Variants in FRAS1 observed in about 807,000 individuals in gnomAD.
FRAS1 encodes extracellular matrix organizing protein FRAS1.
In FRAS1, 290 loss-of-function variants were observed where a neutral mutation model predicts 435.2. The observed-to-expected ratio is 0.67, with a 90% CI of 0.61 to 0.73. FRAS1 has a LOEUF of 0.73. FRAS1 is among the 30% of genes least tolerant of loss of function. The pLI, the probability that FRAS1 is intolerant of heterozygous loss-of-function variation, is 0.00. For missense variants in FRAS1, 4,860 were observed against 5,001.5 expected, an observed-to-expected ratio of 0.97 and a Z score of 0.85; for synonymous variants, 1,800 against 1,851.0, an observed-to-expected ratio of 0.97 and a Z score of 0.71.
intron 9 of FRAS1, among the ~76,000 whole-genome samples, chr4:78,277,075 G>A (rs1727080923): frequency 6.6e-6 from 1 of 152,220 alleles, no homozygotes; most frequent in Admixed American, 6.5e-5. Flanking sequence ...TGCTGTGCTA[G>A]CAATGAGTGA....
At chr4:78,100,603 C>A (rs1300845865) in intron 2 of FRAS1, among the ~76,000 whole-genome samples, 1 of 152,238 alleles carries the variant, frequency 6.6e-6, no homozygotes, top group Non-Finnish European at 1.5e-5. Flanking sequence ...ACAGGCCTTA[C>A]TCTCAGAAGG....
chr4:78,457,183 T>C (rs930563457), intron 47 of FRAS1, among the ~76,000 whole-genome samples: 2 of 152,332 alleles, frequency 1.3e-5, no homozygotes, highest in East Asian at 3.9e-4. Context: ...CCTTTGCTGA[T>C]GGGCAACCTG....
intron 2 of FRAS1, among the ~76,000 whole-genome samples, chr4:78,159,072 A>G (rs1721015400): frequency 6.6e-6 from 1 of 152,220 alleles, no homozygotes; most frequent in African/African-American, 2.4e-5. Flanking sequence ...CATGTGTCAC[A>G]TATATTTGAT....
chr4:78,215,340 T>A (rs1474772807), intron 2 of FRAS1, among the ~76,000 whole-genome samples: 3 of 152,104 alleles, frequency 2.0e-5, no homozygotes, highest in African/African-American at 7.2e-5. Context: ...GGACTACAGG[T>A]GCATGCCACC....
chr4:78,318,850 C>T lies in FRAS1; in HGVS notation c.2001C>T (p.Pro667=). 2 of 1,613,276 alleles carry T rather than the reference C, an allele frequency of 1.2e-6. No homozygotes were observed. Among genetic ancestry groups the T allele is most frequent in the Non-Finnish European group, 1.7e-6 (2 of 1,179,548 alleles). ...SSCLACMGPA[P]SHCTGCKKPE... is the part of the protein sequence containing the mutation. ...GCCTGGCTTGTATGGGTCCCGCACC[C>T]TCTCACTGTACTGGGTGTAAGAAGC... Residue 667 remains proline, a synonymous_variant, in exon 18 of 74, where the codon CCC becomes CCT. Coordinates refer to ENST00000512123, the MANE Select transcript of FRAS1 (RefSeq NM_025074.7).
chr4:78,436,735 T>C (rs1734444262), intron 38 of FRAS1, among the ~76,000 whole-genome samples: 1 of 152,050 alleles, frequency 6.6e-6, no homozygotes, highest in African/African-American at 2.4e-5. Context: ...TATTTCTTTT[T>C]TTCATATTTC....
intron 2 of FRAS1, among the ~76,000 whole-genome samples, chr4:78,102,839 G>A (rs1742199004): frequency 6.6e-6 from 1 of 152,140 alleles, no homozygotes; most frequent in Non-Finnish European, 1.5e-5. Flanking sequence ...GTTGAACATT[G>A]AGCAACTCTC....
intron 2 of FRAS1, among the ~76,000 whole-genome samples, chr4:78,140,735 G>A (rs1252172128): frequency 4.1e-5 from 6 of 146,616 alleles, no homozygotes; most frequent in African/African-American, 1.6e-4. Flanking sequence ...ATATACGTGT[G>A]TGTATATGTA....
chr4:78,483,402 C>T (rs1227328682), intron 58 of FRAS1, among the ~76,000 whole-genome samples: 1 of 152,026 alleles, frequency 6.6e-6, no homozygotes, highest in Middle Eastern at 3.2e-3. Context: ...GTCAGAACTT[C>T]AGAATCCACT....
chr4:78,524,850 G>A (rs1256572015), intron 69 of FRAS1, among the ~76,000 whole-genome samples: 1 of 152,140 alleles, frequency 6.6e-6, no homozygotes, highest in South Asian at 2.1e-4. Context: ...GAATGGTATG[G>A]AGCAGGGTAA....
chr4:78,201,592 T>A (rs1368334280), intron 2 of FRAS1, among the ~76,000 whole-genome samples: 1 of 152,186 alleles, frequency 6.6e-6, no homozygotes, highest in African/African-American at 2.4e-5. Context: ...TCACCCCATA[T>A]CCACCCCTCT....
chr4:78,070,372 A>G (rs982045836), intron 2 of FRAS1: 1 of 152,098 alleles, frequency 6.6e-6, no homozygotes, highest in Non-Finnish European at 1.5e-5. Flanking sequence ...AAGCATGTGT[A>G]GCCATCTCTA....
At chr4:78,282,334 C>T (rs1727368239) in intron 11 of FRAS1, among the ~76,000 whole-genome samples, 1 of 152,154 alleles carries the variant, frequency 6.6e-6, no homozygotes, top group Non-Finnish European at 1.5e-5. Context: ...CTGCAAAAGT[C>T]TTAATTTTTA....
At chr4:78,300,613 T>C (rs1035438628) in intron 14 of FRAS1, among the ~76,000 whole-genome samples, 1 of 152,096 alleles carries the variant, frequency 6.6e-6, no homozygotes, top group African/African-American at 2.4e-5. Flanking sequence ...CAGAGAGTGA[T>C]TTGAAACATG....
chr4:78,479,031 C>T (rs1350478875), intron 55 of FRAS1, among the ~76,000 whole-genome samples: 1 of 152,220 alleles, frequency 6.6e-6, no homozygotes, highest in Non-Finnish European at 1.5e-5. Flanking sequence ...CTTCAGGACA[C>T]AATTACTTTC....
rs569460036 is a variant in FRAS1, at chr4:78,282,158, G to A, written c.1108-662G>A. ...TCCCTCATCACCCCAATACCTTCGGGTAAGAACCTCTGTCTCTTTCCTGTT... is the reference window on the plus strand; with the variant it reads ...TCCCTCATCACCCCAATACCTTCGGATAAGAACCTCTGTCTCTTTCCTGTT... On this transcript the variant is annotated intron_variant, in intron 11 of 73. Coordinates refer to ENST00000512123, the MANE Select transcript of FRAS1 (RefSeq NM_025074.7). Among the ~76,000 whole-genome samples, 29 of 152,176 alleles carry A rather than the reference G, an allele frequency of 1.9e-4. 1 individual carries two copies. The highest frequency in any genetic ancestry group is 6.3e-4 in the African/African-American group (26 of 41,512).
intron 2 of FRAS1, among the ~76,000 whole-genome samples, chr4:78,091,782 T>C (rs12512411): frequency 0.48 from 73,133 of 151,590 alleles, 20,057 homozygotes; most frequent in Non-Finnish European, 0.61. Flanking sequence ...CTCAGCCTCC[T>C]GAGTAGCTCA....
At chr4:78,205,459 G>T (rs756335956) in intron 2 of FRAS1, among the ~76,000 whole-genome samples, 7 of 152,146 alleles carry the variant, frequency 4.6e-5, no homozygotes, top group Admixed American at 6.5e-5. Context: ...CTCCCAAAGT[G>T]CTGGGATTAC....
At chr4:78,440,214 A>G (rs1267108622) in intron 40 of FRAS1, among the ~76,000 whole-genome samples, 2 of 151,020 alleles carry the variant, frequency 1.3e-5, no homozygotes, top group African/African-American at 2.4e-5. Flanking sequence ...TTGTATTTTT[A>G]GTAGAGACGG....
Sources: allele counts gnomAD v4.1 joint callset (sites outside exome capture counted in the v4.1 genomes callset), GRCh38; gene constraint gnomAD v4.1.1; transcripts MANE v1.5; gene names NCBI Gene and HGNC (gene_info 2026-07-23, HGNC 2026-07-21).